The following FARP1 variants were observed in gnomAD, a reference collection of about 807,000 sequenced individuals.
FARP1 encodes FERM, ARH/RhoGEF and pleckstrin domain protein 1, also known as FERM, ARHGEF and pleckstrin domain-containing protein 1.
Under a neutral mutation model 128.8 loss-of-function variants are expected in FARP1, and 52 were observed. The observed-to-expected ratio is 0.40, with a 90% CI of 0.32 to 0.51. The LOEUF (loss-of-function observed/expected upper bound fraction) is 0.51, where lower values mean the gene tolerates loss of function less well. Among genes scored for constraint, FARP1 ranks in the 20% least tolerant of loss-of-function variants. The pLI, the probability that FARP1 is intolerant of heterozygous loss-of-function variation, is 0.45. For missense variants in FARP1, 1,333 were observed against 1,367.9 expected (o/e 0.97, Z 0.40); for synonymous variants, 580 against 551.8 (o/e 1.05, Z -0.72).
At chr13:98,246,636 A>G (rs541896291) in intron 2 of FARP1, among the ~76,000 whole-genome samples, 4 of 152,180 alleles carry the variant, frequency 2.6e-5, no homozygotes, top group South Asian at 2.1e-4. Flanking sequence ...GGGATAATCT[A>G]AAAAGCTCAA....
Position 98,188,016 on chromosome 13 carries a change from G to A in FARP1, c.-23-25204G>A, listed in dbSNP as rs1878990763. Among the ~76,000 whole-genome samples the A allele has an allele frequency of 2.6e-5, 4 of 152,190 alleles. No homozygotes were observed. The South Asian group carries it at 8.3e-4, about 32-fold the overall frequency. On this transcript the variant is annotated intron_variant, in intron 1 of 26. Transcript: ENST00000319562. ...GTGTTCACATTTGCTATTTTAAGCT[G>A]GGAGAGCAAATGTTCTCAGAACTCT...
chr13:98,427,296 G>A (rs140928158), intron 17 of FARP1, among the ~76,000 whole-genome samples: 16 of 152,234 alleles, frequency 1.1e-4, no homozygotes, highest in East Asian at 3.9e-4. Context: ...GACCGGCTTC[G>A]TTTGCTTTTC....
intron 1 of FARP1, among the ~76,000 whole-genome samples, chr13:98,197,924 C>G (rs973936077): frequency 6.6e-6 from 1 of 152,092 alleles, no homozygotes; most frequent in African/African-American, 2.4e-5. Flanking sequence ...CATGAGCCAC[C>G]GCGCCCGGCC....
chr13:98,379,535 C>A (rs1390137795), intron 6 of FARP1, among the ~76,000 whole-genome samples: 1 of 151,916 alleles, frequency 6.6e-6, no homozygotes, highest in Non-Finnish European at 1.5e-5. Flanking sequence ...GAATCCTTTT[C>A]ATAAGGCTGT....
intron 2 of FARP1, among the ~76,000 whole-genome samples, chr13:98,247,858 C>T (rs752420741): frequency 1.3e-5 from 2 of 152,186 alleles, no homozygotes; most frequent in Non-Finnish European, 2.9e-5. Context: ...CACCAAGCCA[C>T]GGATGTGGTC....
intron 2 of FARP1, among the ~76,000 whole-genome samples, chr13:98,222,841 T>C (rs1329835548): frequency 6.7e-6 from 1 of 149,680 alleles, no homozygotes; most frequent in East Asian, 1.9e-4. Flanking sequence ...TTTCACCATG[T>C]TGGCCAGGAT....
chr13:98,146,901 T>A (rs1875609653), intron 1 of FARP1, among the ~76,000 whole-genome samples: 1 of 152,116 alleles, frequency 6.6e-6, no homozygotes, highest in Non-Finnish European at 1.5e-5. Flanking sequence ...TCAGAGTTTA[T>A]TCTGTGGTGG....
chr13:98,186,373 G>A (rs369010645), intron 1 of FARP1, among the ~76,000 whole-genome samples: 10 of 152,084 alleles, frequency 6.6e-5, no homozygotes, highest in African/African-American at 2.4e-4. Flanking sequence ...CTCCCAAAGT[G>A]CTGGGATTAC....
intron 13 of FARP1, chr13:98,404,472 C>T (rs1269125941): frequency 6.6e-6 from 1 of 152,210 alleles, no homozygotes; most frequent in African/African-American, 2.4e-5. Context: ...TATTATTCAG[C>T]ATAATACTGC....
At chr13:98,361,875 C>T (rs1286399020) in intron 3 of FARP1, among the ~76,000 whole-genome samples, 1 of 152,192 alleles carries the variant, frequency 6.6e-6, no homozygotes, top group African/African-American at 2.4e-5. Context: ...TCTGTGTTCG[C>T]ATCATCTCAG....
rs777917561 is a variant in FARP1 at position 98,446,115 on chromosome 13, C to T, written c.2814C>T (p.Asn938=). 3.7e-6 allele frequency: 6 copies of T among 1,613,694 alleles called. No homozygotes were observed. Among genetic ancestry groups the T allele is most frequent in the Non-Finnish European group, 5.1e-6 (6 of 1,179,620 alleles). Residue 938 remains asparagine (N), a synonymous_variant, in exon 25 of 27, where the codon AAC becomes AAT. Coordinates refer to ENST00000319562, the MANE Select transcript of FARP1 (RefSeq NM_005766.4). ...CCTTTCAGAATCAGTTGTCTGGAAA[C>T]CTGCTGAGGAAATTCAAAAACAGCA... ...SIAVENQLSG[N]LLRKFKNSNG...
intron 3 of FARP1, among the ~76,000 whole-genome samples, chr13:98,344,855 A>G (rs146132290): frequency 6.2e-4 from 94 of 152,246 alleles, no homozygotes; most frequent in African/African-American, 2.2e-3. Flanking sequence ...TTGTACTTCA[A>G]ATCCAAGATT....
At position 98,411,992 on chromosome 13, in the gene FARP1, AT is replaced by A. The variant is rs1270800499; in HGVS notation, c.1785del (p.His595GlnfsTer34). The A allele has an allele frequency of 6.2e-7, 1 of 1,614,020 alleles. No homozygotes were observed. The highest frequency in any genetic ancestry group is 8.5e-7 in the Non-Finnish European group (1 of 1,179,952). On this transcript the variant is annotated frameshift_variant, in exon 16 of 27. Transcript: ENST00000319562. LOFTEE classifies it high-confidence loss of function. ...AATTTTGAACCTTTGCACAAATTTC[AT>A]ACTAATTTTCTCAAGGAAATTGAGC... The part of the protein sequence containing the change: ...FPNFEPLHKF[H>X]TNFLKEIEQR...
At chr13:98,175,903 G>T (rs547175983) in intron 1 of FARP1, 93 of 501,580 alleles carry the variant, frequency 1.9e-4, no homozygotes, top group Non-Finnish European at 7.4e-5. Flanking sequence ...TTCCCGTTAA[G>T]GCTTAATAGC....
intron 2 of FARP1, among the ~76,000 whole-genome samples, chr13:98,259,808 G>C (rs951397750): frequency 3.8e-4 from 57 of 151,794 alleles, no homozygotes; most frequent in South Asian, 2.1e-4. Flanking sequence ...CCAAGATTCA[G>C]GTCGGATGAA....
intron 2 of FARP1, among the ~76,000 whole-genome samples, chr13:98,337,089 A>G (rs1446250603): frequency 1.3e-5 from 2 of 152,168 alleles, no homozygotes; most frequent in African/African-American, 4.8e-5. Context: ...CATTTGGGCC[A>G]GGTGCACTGG....
intron 2 of FARP1, among the ~76,000 whole-genome samples, chr13:98,297,755 A>C (rs1405317994): frequency 6.6e-6 from 1 of 152,120 alleles, no homozygotes; most frequent in Non-Finnish European, 1.5e-5. Context: ...TGATTCTCAA[A>C]AGGGTCCTGT....
chr13:98,447,972 CGCTCCTAACT>C (rs1892960150), intron 26 of FARP1: 1 of 504,664 alleles, frequency 2.0e-6, no homozygotes, highest in Non-Finnish European at 3.5e-6. Flanking sequence ...GAGGCCACCT[CGCTCCTAACT>C]GCTCCAATGG....
chr13:98,245,286 A>T (rs1362872495), intron 2 of FARP1: 2 of 985,380 alleles, frequency 2.0e-6, no homozygotes, highest in Non-Finnish European at 2.4e-6. Context: ...AAAGGCGAAT[A>T]AAGTCAGATC....
Sources: allele counts gnomAD v4.1 joint callset (sites outside exome capture counted in the v4.1 genomes callset), GRCh38; gene constraint gnomAD v4.1.1; transcripts MANE v1.5; gene names NCBI Gene and HGNC (gene_info 2026-07-23, HGNC 2026-07-21).